Variants in SLC67A1 observed in about 807,000 individuals in gnomAD.
SLC67A1 encodes the protein solute carrier family 67 member 1.
chr11:2,902,741 C>A, the SLC67A1 span: 33 of 985,428 alleles, frequency 3.3e-5, no homozygotes, highest in African/African-American at 5.6e-4. Context: ...TACTGGGGAG[C>A]CTGGAAGGCT....
chr11:2,919,320 C>A, the SLC67A1 span: 3 of 1,613,714 alleles, frequency 1.9e-6, no homozygotes, highest in Non-Finnish European at 2.5e-6. Context: ...TCTTCATGGT[C>A]ATGTTCTCCA....
chr11:2,905,618 A>C, the SLC67A1 span, among the ~76,000 whole-genome samples: 2 of 152,126 alleles, frequency 1.3e-5, no homozygotes, highest in African/African-American at 4.8e-5. Flanking sequence ...GCTATTGTAA[A>C]CAGTGCCGCG....
At chr11:2,909,409 G>C in the SLC67A1 span, 350 of 1,484,682 alleles carry the variant, frequency 2.4e-4, 1 homozygote, top group South Asian at 4.1e-3. Flanking sequence ...GGCAGCCTGC[G>C]GAGGACCCGG....
the SLC67A1 span, among the ~76,000 whole-genome samples, chr11:2,901,271 G>T: frequency 1.3e-5 from 2 of 152,226 alleles, no homozygotes; most frequent in Non-Finnish European, 2.9e-5. Flanking sequence ...CGGTGACTTG[G>T]AATGGCTTAG....
At chr11:2,914,661 G>A in the SLC67A1 span, 3 of 978,096 alleles carry the variant, frequency 3.1e-6, no homozygotes, top group Non-Finnish European at 3.6e-6. Flanking sequence ...ACCGCTCGAG[G>A]GCCTGGCTTC....
chr11:2,917,006 G>GA, the SLC67A1 span: 13 of 532,698 alleles, frequency 2.4e-5, no homozygotes, highest in Non-Finnish European at 4.1e-5. Context: ...GTTAGGAGGG[G>GA]AGGCCCAGAC....
chr11:2,919,654 C>A, the SLC67A1 span: 1 of 544,908 alleles, frequency 1.8e-6, no homozygotes, highest in Non-Finnish European at 3.3e-6. Context: ...TGTGGCAGCC[C>A]ACCTGCCCAC....
chr11:2,907,978 G>A, the SLC67A1 span, among the ~76,000 whole-genome samples: 3 of 152,176 alleles, frequency 2.0e-5, no homozygotes, highest in African/African-American at 7.2e-5. The surrounding 1 kb of genome is among the most constrained non-coding windows in gnomAD (Gnocchi z 6.7). Flanking sequence ...TGCCCCCAGA[G>A]GGGAAGGACC....
chr11:2,924,751 G>A, the SLC67A1 span, among the ~76,000 whole-genome samples: 1 of 152,154 alleles, frequency 6.6e-6, no homozygotes, highest in Non-Finnish European at 1.5e-5. This position sits in a 1 kb window ranked among gnomAD's most constrained non-coding sequence, Gnocchi z 8.6. Context: ...GGTCCTCGGG[G>A]AACAGACCAG....
the SLC67A1 span, among the ~76,000 whole-genome samples, chr11:2,918,513 G>A: frequency 9.2e-4 from 140 of 152,328 alleles, no homozygotes; most frequent in Non-Finnish European, 1.6e-3. Flanking sequence ...AGCGAGCCAC[G>A]GACAAGCCCA....
At chr11:2,906,887 G>GA in the SLC67A1 span, among the ~76,000 whole-genome samples, 7,148 of 101,140 alleles carry the variant, frequency 0.071, 229 homozygotes, top group East Asian at 0.28. Context: ...AGAGAGAAAA[G>GA]AAAAAAAAAA....
chr11:2,916,485 T>C, the SLC67A1 span: 5 of 677,236 alleles, frequency 7.4e-6, no homozygotes, highest in Non-Finnish European at 1.3e-5. Context: ...CCCCACTCTT[T>C]AGGCCACAGA....
chr11:2,903,136 CT>C, the SLC67A1 span: 25 of 1,247,402 alleles, frequency 2.0e-5, no homozygotes, highest in Non-Finnish European at 2.4e-5. Flanking sequence ...GGGGGACCCC[CT>C]GATGTGTCCT....
chr11:2,915,876 G>A, the SLC67A1 span, among the ~76,000 whole-genome samples: 1 of 152,234 alleles, frequency 6.6e-6, no homozygotes, highest in Non-Finnish European at 1.5e-5. Flanking sequence ...TCCGTCCCCA[G>A]GAGACAAGAC....
At chr11:2,899,905 G>T in the SLC67A1 span, 10 of 566,648 alleles carry the variant, frequency 1.8e-5, no homozygotes, top group Non-Finnish European at 2.7e-5. Flanking sequence ...ATCTCCTCCT[G>T]CCGCTTCATC....
At chr11:2,908,096 C>T in the SLC67A1 span, 2 of 613,196 alleles carry the variant, frequency 3.3e-6, no homozygotes, top group Non-Finnish European at 5.8e-6. Context: ...TGGGAAGGGC[C>T]CCTCGATGGT....
At chr11:2,915,724 G>A in the SLC67A1 span, among the ~76,000 whole-genome samples, 1 of 152,180 alleles carries the variant, frequency 6.6e-6, no homozygotes, top group Non-Finnish European at 1.5e-5. Flanking sequence ...GGAAGGCCGT[G>A]GCGGTCCGGC....
At chr11:2,924,191 G>C in the SLC67A1 span, among the ~76,000 whole-genome samples, 1 of 152,228 alleles carries the variant, frequency 6.6e-6, no homozygotes. This position sits in a 1 kb window ranked among gnomAD's most constrained non-coding sequence, Gnocchi z 8.6. Flanking sequence ...TGGCCACAGG[G>C]GCGTGGAGAT....
At chr11:2,906,155 C>G in the SLC67A1 span, among the ~76,000 whole-genome samples, 1 of 152,182 alleles carries the variant, frequency 6.6e-6, no homozygotes. Flanking sequence ...AAATGCAAGT[C>G]AAAACCACAA....
Sources: gnomAD v4.1 joint callset for allele counts (sites outside exome capture counted in the v4.1 genomes callset) on GRCh38, gnomAD v4.1.1 for gene constraint, Gnocchi (gnomAD v3.1) non-coding constraint, MANE v1.5 for transcripts, NCBI Gene and HGNC (gene_info 2026-07-23, HGNC 2026-07-21) for gene names.